Variants in CPM observed in about 807,000 individuals in gnomAD.
The protein encoded by CPM is renal carboxypeptidase.
Under a neutral mutation model 46.4 loss-of-function variants are expected in CPM, and 35 were observed. The ratio of observed to expected loss-of-function variants is 0.75; its 90% CI spans 0.58 to 1.00. The LOEUF is 1.00. CPM is among the 50% of genes least tolerant of loss of function. The pLI, the probability that CPM is intolerant of heterozygous loss-of-function variation, is 0.00. For synonymous variants in CPM, 195 were observed against 195.3 expected, an observed-to-expected ratio of 1.00 and a Z score of 0.01; for missense variants, 422 against 530.4, an observed-to-expected ratio of 0.80 and a Z score of 2.01.
chr12:68,959,607 C>T (rs1889079310), intron 1 of CPM, among the ~76,000 whole-genome samples: 1 of 152,182 alleles, frequency 6.6e-6, no homozygotes, highest in Non-Finnish European at 1.5e-5. Flanking sequence ...ATTGCCCAGT[C>T]AAGACAGATG....
chr12:68,904,416 T>C (rs1307544901), intron 2 of CPM, among the ~76,000 whole-genome samples: 1 of 152,246 alleles, frequency 6.6e-6, no homozygotes, highest in South Asian at 2.1e-4. Flanking sequence ...TGCATCTATT[T>C]ACCTCAAATG....
intron 3 of CPM, among the ~76,000 whole-genome samples, chr12:68,874,547 C>T (rs762147042): frequency 6.6e-6 from 1 of 151,780 alleles, no homozygotes; most frequent in Non-Finnish European, 1.5e-5. Flanking sequence ...ACCTAGGAGG[C>T]GGAGGTTGCA....
At chr12:68,945,291 T>C (rs1565808597) in intron 1 of CPM, among the ~76,000 whole-genome samples, 1 of 152,198 alleles carries the variant, frequency 6.6e-6, no homozygotes, top group Admixed American at 6.5e-5. Flanking sequence ...ATCCCTCCCA[T>C]GGTTAGCTCT....
chr12:68,950,913 A>G (rs1006658402), intron 1 of CPM, among the ~76,000 whole-genome samples: 4 of 152,186 alleles, frequency 2.6e-5, no homozygotes, highest in Admixed American at 1.3e-4. Context: ...CTTGCCAACT[A>G]CCTTCCCTGC....
chr12:68,937,009 C>G (rs918600588), upstream of CPM, among the ~76,000 whole-genome samples: 2 of 152,098 alleles, frequency 1.3e-5, no homozygotes, highest in Non-Finnish European at 2.9e-5. Flanking sequence ...CTTTGTTTTG[C>G]TTATCACAAA....
intron 7 of CPM, among the ~76,000 whole-genome samples, chr12:68,859,543 C>G (rs1885120231): frequency 6.6e-6 from 1 of 152,176 alleles, no homozygotes; most frequent in Non-Finnish European, 1.5e-5. Flanking sequence ...CACAAGGCTT[C>G]TTGGAAGCAT....
At chr12:68,954,690 T>C (rs1888984926) in intron 1 of CPM, among the ~76,000 whole-genome samples, 1 of 152,198 alleles carries the variant, frequency 6.6e-6, no homozygotes, top group Admixed American at 6.5e-5. Flanking sequence ...TCACTTGACA[T>C]TTCTACTTGG....
At chr12:68,871,761 A>C in intron 4 of CPM, 23 bp downstream of exon 4, 1 of 1,613,560 alleles carries the variant, frequency 6.2e-7, no homozygotes, top group South Asian at 1.1e-5. Flanking sequence ...TTTTCAAGTA[A>C]AGATAGACCA....
At position 68,899,848 on chromosome 12, in the gene CPM, A is replaced by C. The variant is rs111869514; in HGVS notation, c.161-13959T>G. ...GATTAGGCAGTAAGAAGTCATGCTT[A>C]GGAGATGCATATTGGTGTTTTTTGG... On this transcript the variant is annotated intron_variant, in intron 2 of 8. Coordinates refer to ENST00000551568, the MANE Select transcript of CPM (RefSeq NM_198320.5). Among the ~76,000 whole-genome samples, 1,478 of 152,326 alleles carry C rather than the reference A, an allele frequency of 9.7e-3. 14 individuals carry two copies. The highest frequency in any genetic ancestry group is 0.037 in the Middle Eastern group (11 of 294).
intron 3 of CPM, among the ~76,000 whole-genome samples, chr12:68,876,589 G>A (rs1885960577): frequency 6.6e-6 from 1 of 152,184 alleles, no homozygotes; most frequent in Non-Finnish European, 1.5e-5. Context: ...CTTCCTGTGA[G>A]AGCACAGACT....
At chr12:68,931,724 C>A (rs1888508684) in intron 2 of CPM, among the ~76,000 whole-genome samples, 1 of 110,500 alleles carries the variant, frequency 9.0e-6, no homozygotes, top group Non-Finnish European at 1.7e-5. Flanking sequence ...CCAGCCTGGG[C>A]AACAGAGCGA....
chr12:68,947,386 C>A (rs1888864948), intron 1 of CPM, among the ~76,000 whole-genome samples: 1 of 152,088 alleles, frequency 6.6e-6, no homozygotes, highest in African/African-American at 2.4e-5. Context: ...CACCTGAAAT[C>A]AGGAGTTCAA....
chr12:68,914,219 G>C (rs895971331), intron 2 of CPM, among the ~76,000 whole-genome samples: 2 of 152,176 alleles, frequency 1.3e-5, no homozygotes, highest in African/African-American at 4.8e-5. Flanking sequence ...AGCTTAAAGA[G>C]CACAAGGCCA....
chr12:68,916,800 A>AT (rs1378492509), intron 2 of CPM, among the ~76,000 whole-genome samples: 1 of 151,222 alleles, frequency 6.6e-6, no homozygotes, highest in Non-Finnish European at 1.5e-5. Context: ...AGGCAGGAGA[A>AT]TCGCTTGAAC....
intron 3 of CPM, among the ~76,000 whole-genome samples, chr12:68,872,936 GC>G (rs1467179721): frequency 6.6e-6 from 1 of 152,096 alleles, no homozygotes; most frequent in Non-Finnish European, 1.5e-5. Flanking sequence ...GAAACTGAAG[GC>G]CTGTGAGAGA....
chr12:68,878,578 A>G (rs1886056598), intron 3 of CPM, among the ~76,000 whole-genome samples: 1 of 152,108 alleles, frequency 6.6e-6, no homozygotes, highest in Non-Finnish European at 1.5e-5. Context: ...CTGACCAATC[A>G]CCACTCCCCA....
At chr12:68,926,678 C>A (rs534194027) in intron 2 of CPM, among the ~76,000 whole-genome samples, 1,795 of 152,150 alleles carry the variant, frequency 0.012, 18 homozygotes, top group Middle Eastern at 0.034. Flanking sequence ...CGTCATTTAG[C>A]ATTAGGTATA....
At position 68,869,376 on chromosome 12, in the gene CPM, T is replaced by C. The variant is rs781069003; in HGVS notation, c.736A>G (p.Met246Val). Residue 246 changes from methionine to valine, a missense_variant, in exon 6 of 9, where the codon ATG becomes GTG. Met to Val is a conservative substitution (Grantham distance 21). Transcript: ENST00000551568. ...TTTGTAACACCATTAGGAAAGTTCA[T>C]TTTGTTTTTACACTCGTCTCCTTTC... is the stretch of plus-strand genomic sequence containing the variant. ...MKKGDECKNK[M>V]NFPNGVTNGY... 5.0e-6 allele frequency: 8 copies of C among 1,614,052 alleles called. No homozygotes were observed. In the South Asian group the frequency reaches 7.7e-5, roughly 16 times the overall value.
At chr12:68,916,030 TCTTGAATGG>T (rs1887789689) in intron 2 of CPM, among the ~76,000 whole-genome samples, 1 of 152,242 alleles carries the variant, frequency 6.6e-6, no homozygotes, top group Admixed American at 6.5e-5. Context: ...TCTTTGCTCC[TCTTGAATGG>T]CTTGTCTAGA....
Sources: allele counts gnomAD v4.1 joint callset (sites outside exome capture counted in the v4.1 genomes callset), GRCh38; gene constraint gnomAD v4.1.1; transcripts MANE v1.5; gene names NCBI Gene and HGNC (gene_info 2026-07-23, HGNC 2026-07-21).